SATB2: variants seen among roughly 807,000 people sequenced by gnomAD.
SATB2 encodes DNA-binding protein SATB2.
Under a neutral mutation model 73.4 loss-of-function variants are expected in SATB2, and 1 was observed. The observed-to-expected ratio is 0.01, with a 90% CI of 0.00 to 0.06. The LOEUF is 0.06. Ranked by LOEUF, SATB2 falls within the 10% of genes least tolerant of loss-of-function variation. SATB2 has a pLI of 1.00. For synonymous variants in SATB2, 397 were observed against 367.0 expected, an observed-to-expected ratio of 1.08 and a Z score of -0.93; for missense variants, 459 against 945.8, an observed-to-expected ratio of 0.49 and a Z score of 6.75.
intron 10 of SATB2, among the ~76,000 whole-genome samples, chr2:199,281,233 C>CAA (rs1197027648): frequency 8.3e-6 from 1 of 119,842 alleles, no homozygotes. Flanking sequence ...GACCCTGTCT[C>CAA]AAAAAAAAAA....
chr2:199,334,745 A>G (rs1211159429), intron 7 of SATB2, among the ~76,000 whole-genome samples: 1 of 152,140 alleles, frequency 6.6e-6, no homozygotes, highest in Non-Finnish European at 1.5e-5. Context: ...TAATCACACA[A>G]AATAAACTCT....
chr2:199,278,927 C>T (rs1692398389), intron 10 of SATB2, among the ~76,000 whole-genome samples: 1 of 152,160 alleles, frequency 6.6e-6, no homozygotes. Flanking sequence ...ATATATCAAA[C>T]ATTTATGGAG....
chr2:199,338,914 T>C (rs1442267055), intron 7 of SATB2, among the ~76,000 whole-genome samples: 5 of 93,246 alleles, frequency 5.4e-5, no homozygotes, highest in Non-Finnish European at 5.3e-5. Flanking sequence ...CAAGACTCTG[T>C]CTTAAAAAAA....
Position 199,274,803 on chromosome 2 carries a change from T to G in SATB2, c.1741-2131A>C, listed in dbSNP as rs1692260545. 6.1e-5 allele frequency among the ~76,000 whole-genome samples: 9 copies of G among 147,090 alleles called. No individual in the cohort carries two copies. In the South Asian group the frequency reaches 1.9e-3, roughly 32 times the overall value. On this transcript the variant is annotated intron_variant, in intron 10 of 10. Coordinates refer to ENST00000417098, the MANE Select transcript of SATB2 (RefSeq NM_001172509.2). ...AGCTCCGTTACTTTAGCATCCTAAT[T>G]ATACCCGGCAGGAAAAGCAGAGCTC...
chr2:199,453,890 T>C lies in SATB2; in HGVS notation c.169+1979A>G, dbSNP rs981922727. On this transcript the variant is annotated intron_variant, in intron 2 of 10. Coordinates refer to ENST00000417098, the MANE Select transcript of SATB2 (RefSeq NM_001172509.2). ...TATCGTGTATTATAAACGATATGTA[T>C]TGAGACAAAATAATGTCATCTTTAT... Among the ~76,000 whole-genome samples, 6 of 152,186 alleles carry C rather than the reference T, an allele frequency of 3.9e-5. 1 individual carries two copies. The South Asian group carries it at 6.2e-4, about 16-fold the overall frequency.
chr2:199,456,931 T>TC (rs1449439957), intron 1 of SATB2, among the ~76,000 whole-genome samples: 1 of 116,960 alleles, frequency 8.5e-6, no homozygotes, highest in Admixed American at 1.2e-4. Context: ...GGCAGTGCGC[T>TC]CCCCACGGAA....
At chr2:199,311,544 T>C (rs1273144343) in intron 9 of SATB2, among the ~76,000 whole-genome samples, 1 of 152,108 alleles carries the variant, frequency 6.6e-6, no homozygotes, top group Non-Finnish European at 1.5e-5. Flanking sequence ...TAGCACAAAA[T>C]CGGAAGGTGA....
chr2:199,445,317 C>G (rs1259918544), intron 2 of SATB2, among the ~76,000 whole-genome samples: 2 of 152,150 alleles, frequency 1.3e-5, no homozygotes, highest in African/African-American at 4.8e-5. Flanking sequence ...TAATTGGAAT[C>G]CTATACATTT....
chr2:199,368,540 A>G (rs1689354785), intron 6 of SATB2, 65 bp downstream of exon 6: 1 of 944,972 alleles, frequency 1.1e-6, no homozygotes, highest in South Asian at 1.3e-5. Flanking sequence ...TAAATTCCAA[A>G]CAACCAACAA....
chr2:199,408,589 C>A (rs1690706608), intron 3 of SATB2, among the ~76,000 whole-genome samples: 1 of 151,410 alleles, frequency 6.6e-6, no homozygotes, highest in East Asian at 2.0e-4. Flanking sequence ...AGGGTAAAAA[C>A]CGCAATTACT....
At chr2:199,292,074 TA>T (rs34007943) in intron 10 of SATB2, among the ~76,000 whole-genome samples, 20 of 146,642 alleles carry the variant, frequency 1.4e-4, no homozygotes, top group African/African-American at 1.7e-4. Context: ...AAAGCAATGC[TA>T]AAAAAAAAAC....
intron 7 of SATB2, among the ~76,000 whole-genome samples, chr2:199,333,219 A>G (rs1451937254): frequency 6.6e-6 from 1 of 151,976 alleles, no homozygotes; most frequent in Non-Finnish European, 1.5e-5. Context: ...CAAAGTTCTG[A>G]GAGGGATGAA....
At chr2:199,398,484 G>A (rs1038800464) in intron 3 of SATB2, among the ~76,000 whole-genome samples, 1 of 152,100 alleles carries the variant, frequency 6.6e-6, no homozygotes, top group African/African-American at 2.4e-5. Flanking sequence ...ATAGGGTCCT[G>A]GGTGGAGAAT....
At chr2:199,299,788 C>T (rs1687227575) in intron 10 of SATB2, among the ~76,000 whole-genome samples, 1 of 152,072 alleles carries the variant, frequency 6.6e-6, no homozygotes, top group African/African-American at 2.4e-5. Flanking sequence ...TAACAGCAGG[C>T]TTATCGATGA....
chr2:199,412,783 A>G (rs1038903020), intron 3 of SATB2, among the ~76,000 whole-genome samples: 4 of 152,214 alleles, frequency 2.6e-5, no homozygotes, highest in African/African-American at 9.6e-5. Flanking sequence ...GGGACAAGTC[A>G]CAGATGAGAA....
intron 10 of SATB2, among the ~76,000 whole-genome samples, chr2:199,277,034 G>A (rs1345272728): frequency 2.0e-5 from 3 of 152,106 alleles, no homozygotes; most frequent in Admixed American, 1.3e-4. Context: ...ACTTACTGTC[G>A]AGTGAAAGAA....
At chr2:199,458,848 C>CCGGA (rs1692388143), upstream of SATB2, 2 of 301,116 alleles carry the variant, frequency 6.6e-6, no homozygotes, top group Admixed American at 5.3e-5. Flanking sequence ...GCCGAACGTC[C>CCGGA]CGGCCCGCCG....
rs554985967 is a variant in SATB2 at position 199,453,526 on chromosome 2, CA to C, written c.169+2342del. On this transcript the variant is annotated intron_variant, in intron 2 of 10. Transcript: ENST00000417098. The stretch of plus-strand genomic sequence containing the variant: ...ATCTACTTTATATTTACTCTATGTT[CA>C]AAAAAATCCTTTAATTATAAAAAAA... 5.9e-5 allele frequency among the ~76,000 whole-genome samples: 9 copies of C among 151,762 alleles called. No individual in the cohort carries two copies. The South Asian group carries it at 1.7e-3, about 28-fold the overall frequency.
chr2:199,355,342 G>GTATCTATATATATA (rs1249092587), intron 6 of SATB2, among the ~76,000 whole-genome samples: 303 of 5,408 alleles, frequency 0.056, 10 homozygotes, highest in African/African-American at 0.058. Flanking sequence ...GTGTGTGTGT[G>GTATCTATATATATA]TGTATCTATA....
Sources: allele counts gnomAD v4.1 joint callset (sites outside exome capture counted in the v4.1 genomes callset), GRCh38; gene constraint gnomAD v4.1.1; transcripts MANE v1.5; gene names NCBI Gene and HGNC (gene_info 2026-07-23, HGNC 2026-07-21).